MORC3: variants seen among roughly 807,000 people sequenced by gnomAD.
MORC3 encodes MORC family CW-type zinc finger protein 3.
A neutral mutation model predicts 109.1 loss-of-function variants in MORC3; 31 were observed. The observed-to-expected ratio is 0.28, with a 90% CI of 0.21 to 0.38. MORC3 has a LOEUF of 0.38. Ranked by LOEUF, MORC3 falls within the 10% of genes least tolerant of loss-of-function variation. The pLI is 1.00. For missense variants in MORC3, 867 were observed against 1,135.8 expected, an observed-to-expected ratio of 0.76 and a Z score of 3.40; for synonymous variants, 395 against 380.7, an observed-to-expected ratio of 1.04 and a Z score of -0.44.
rs2085699328 is a variant in MORC3, at chr21:36,360,357, G to A, written c.1406+99G>A. The stretch of plus-strand genomic sequence containing the variant: ...GATGCTTCTCCAAGGTAAAGCACCT[G>A]TAACTGAAAAAGTTTATAATGTGGA... On this transcript the variant is annotated intron_variant, in intron 12 of 16. Transcript: ENST00000400485. 4.1e-6 allele frequency: 5 copies of A among 1,231,942 alleles called. No individual in the cohort carries two copies. The East Asian group carries it at 1.2e-4, about 30-fold the overall frequency. The allele number at this position is 1,231,942 out of a possible 1,614,324, so 76.3% of individuals were successfully genotyped here.
At position 36,369,520 on chromosome 21, in the gene MORC3, CAT is replaced by C; in HGVS notation, c.2155_2156del (p.Met719ValfsTer3). The C allele has an allele frequency of 6.2e-7, 1 of 1,614,078 alleles. No homozygotes were observed. Among genetic ancestry groups the C allele is most frequent in the Non-Finnish European group, 8.5e-7 (1 of 1,180,014 alleles). On this transcript the variant is annotated frameshift_variant, in exon 15 of 17. Coordinates refer to ENST00000400485, the MANE Select transcript of MORC3 (RefSeq NM_015358.3). LOFTEE classifies it high-confidence loss of function. ...AAAAGAGAATTATAAAAGACAGTGT[CAT>C]ATGTTTACTGATCAAATCAAAGTGT... ...EEKENYKRQC[H>X]MFTDQIKVLQ...
Position 36,369,077 on chromosome 21 carries a change from G to GTGATGA in MORC3, c.1719_1724dup (p.Asp573_Asp574dup), listed in dbSNP as rs761248326. 1.9e-6 allele frequency: 3 copies of GTGATGA among 1,613,214 alleles called. No homozygotes were observed. The Admixed American group carries it at 5.0e-5, about 27-fold the overall frequency. Reference sequence around the variant, plus strand: ...CAGTTTGAAAATTCAGTTTATAAAGGTGATGATGATGATGAAGATGTCATC... The same window carrying GTGATGA: ...CAGTTTGAAAATTCAGTTTATAAAGGTGATGATGATGATGATGATGAAGATGTCATC... On this transcript the variant is annotated inframe_insertion, in exon 15 of 17. Coordinates refer to ENST00000400485, the MANE Select transcript of MORC3 (RefSeq NM_015358.3).
intron 12 of MORC3, 96 bp downstream of exon 12, chr21:36,360,354 C>A: frequency 8.1e-7 from 1 of 1,242,170 alleles, no homozygotes; most frequent in Non-Finnish European, 1.1e-6. Context: ...AGGTAAAGCA[C>A]CTGTAACTGA....
intron 13 of MORC3, among the ~76,000 whole-genome samples, chr21:36,363,415 A>G (rs1002928230): frequency 6.6e-6 from 1 of 152,168 alleles, no homozygotes; most frequent in African/African-American, 2.4e-5. Flanking sequence ...CTCTGTCTCA[A>G]AAAAACAAAA....
At chr21:36,350,273 A>G (rs980682901) in intron 9 of MORC3, among the ~76,000 whole-genome samples, 8 of 151,926 alleles carry the variant, frequency 5.3e-5, no homozygotes, top group Admixed American at 6.6e-5. Context: ...GCGCCACTGT[A>G]CTCCAACCCG....
At chr21:36,331,576 T>C (rs1017171012) in intron 1 of MORC3, among the ~76,000 whole-genome samples, 1 of 151,580 alleles carries the variant, frequency 6.6e-6, no homozygotes, top group Admixed American at 6.6e-5. Flanking sequence ...CACTCCAGCC[T>C]GGGCAGCAGA....
intron 15 of MORC3, 70 bp downstream of exon 15, chr21:36,369,946 G>C (rs1003494251): frequency 6.5e-7 from 1 of 1,541,250 alleles, no homozygotes. Context: ...CTGCCAGTTG[G>C]CTGGGCGCGG....
chr21:36,335,309 A>C (rs956847684), intron 2 of MORC3, among the ~76,000 whole-genome samples: 1 of 126,010 alleles, frequency 7.9e-6, no homozygotes, highest in Non-Finnish European at 1.6e-5. Context: ...AAAAAGAAGG[A>C]ATTTTTTTTT....
chr21:36,320,570 G>A (rs893510755), intron 1 of MORC3: 3 of 326,636 alleles, frequency 9.2e-6, no homozygotes, highest in Non-Finnish European at 1.7e-5. Flanking sequence ...CTCCCTCCTA[G>A]TCTCCCAGCA....
Position 36,345,050 on chromosome 21 carries a change from T to C in MORC3, c.1005+19T>C. The C allele has an allele frequency of 1.9e-6, 3 of 1,574,946 alleles. No homozygotes were observed. In the South Asian group the frequency reaches 3.6e-5, roughly 19 times the overall value. On this transcript the variant is annotated intron_variant, in intron 8 of 16. Coordinates refer to ENST00000400485, the MANE Select transcript of MORC3 (RefSeq NM_015358.3). ...GTTAAGGGTAAGCTTTATTTTTTAT[T>C]TGAAAAGAAAATGTCTATTTTCCAC...
At chr21:36,367,914 A>G (rs978584793) in intron 14 of MORC3, among the ~76,000 whole-genome samples, 15 of 152,232 alleles carry the variant, frequency 9.9e-5, no homozygotes, top group Non-Finnish European at 1.9e-4. Context: ...CTAGCAATAG[A>G]CTTGAGAGAG....
chr21:36,343,244 C>T (rs1366080709), intron 6 of MORC3, among the ~76,000 whole-genome samples: 2 of 150,754 alleles, frequency 1.3e-5, no homozygotes, highest in East Asian at 2.0e-4. Context: ...TACAGGCATG[C>T]GCCACCATGC....
rs928533145 is a variant in MORC3 at position 36,360,570 on chromosome 21, A to G, written c.1406+312A>G. ...GCTTATAGAGAAGGTGTAACAGAAG[A>G]GGTGATACATGAATTTTACCAGTTA... On this transcript the variant is annotated intron_variant, in intron 12 of 16. Coordinates refer to ENST00000400485, the MANE Select transcript of MORC3 (RefSeq NM_015358.3). 3.3e-5 allele frequency: 12 copies of G among 358,628 alleles called. 1 individual carries two copies. The highest frequency in any genetic ancestry group is 2.5e-4 in the African/African-American group (12 of 47,838). 22.2% of individuals were successfully genotyped at this position (358,628 alleles called of 1,614,324 possible).
intron 8 of MORC3, among the ~76,000 whole-genome samples, chr21:36,347,455 C>T (rs750570600): frequency 2.0e-5 from 3 of 152,128 alleles, no homozygotes; most frequent in Admixed American, 6.5e-5. Flanking sequence ...TAGTTAAGCT[C>T]GACCTTGTAA....
intron 3 of MORC3, 64 bp from the exon 4 acceptor site, chr21:36,337,668 T>G (rs1261605169): frequency 1.4e-5 from 14 of 1,016,934 alleles, no homozygotes; most frequent in Non-Finnish European, 1.8e-5. Flanking sequence ...ATTATAGGTA[T>G]TTATTTATTT....
At chr21:36,326,268 A>G (rs1323586259) in intron 1 of MORC3, among the ~76,000 whole-genome samples, 1 of 151,256 alleles carries the variant, frequency 6.6e-6, no homozygotes, top group African/African-American at 2.4e-5. Flanking sequence ...TCATGCCTGT[A>G]ATCCCAGCAC....
chr21:36,372,385 G>A lies in MORC3; in HGVS notation c.2520G>A (p.Leu840=), dbSNP rs1418170940. The change falls in exon 16 of 17, where the codon CTG becomes CTA. Residue 840 remains leucine, a synonymous_variant. Transcript: ENST00000400485. ...TATATTTTTGTTAGGTTGAATTGCT[G>A]GAAATGGAAAAGTCACAAATCCGTT... is the stretch of plus-strand genomic sequence containing the variant. The part of the protein sequence containing the change: ...RDQYKSEVEL[L]EMEKSQIRSQ... The A allele has an allele frequency of 7.7e-6, 12 of 1,567,696 alleles. No individual in the cohort carries two copies. Among genetic ancestry groups the A allele is most frequent in the Non-Finnish European group, 1.0e-5 (12 of 1,164,984 alleles).
intron 15 of MORC3, among the ~76,000 whole-genome samples, chr21:36,371,939 G>A (rs1447042639): frequency 1.3e-5 from 2 of 151,432 alleles, no homozygotes; most frequent in African/African-American, 2.4e-5. Flanking sequence ...TCAGCCTCCC[G>A]AGTAGCTGAG....
intron 1 of MORC3, 89 bp from the exon 2 acceptor site, chr21:36,333,557 A>G (rs2085338730): frequency 2.9e-6 from 3 of 1,046,750 alleles, no homozygotes; most frequent in African/African-American, 1.6e-5. Flanking sequence ...TTTGGTCTCA[A>G]TGTTGTTTAA....
Sources: allele counts gnomAD v4.1 joint callset (sites outside exome capture counted in the v4.1 genomes callset), GRCh38; gene constraint gnomAD v4.1.1; transcripts MANE v1.5; gene names NCBI Gene and HGNC (gene_info 2026-07-23, HGNC 2026-07-21).